Variants in MAP2K5 observed in about 807,000 individuals in gnomAD.
MAP2K5 encodes dual specificity mitogen-activated protein kinase kinase 5.
In MAP2K5, 49 loss-of-function variants were observed where a neutral mutation model predicts 83.1. The ratio of observed to expected loss-of-function variants is 0.59; its 90% CI spans 0.47 to 0.75. MAP2K5 has a LOEUF of 0.75. MAP2K5 is among the 30% of genes least tolerant of loss of function. MAP2K5 has a pLI of 0.00. For missense variants in MAP2K5, 457 were observed against 557.5 expected, an observed-to-expected ratio of 0.82 and a Z score of 1.82; for synonymous variants, 202 against 191.8, an observed-to-expected ratio of 1.05 and a Z score of -0.44.
chr15:67,773,705 C>G (rs943429540), intron 21 of MAP2K5, among the ~76,000 whole-genome samples: 2 of 152,168 alleles, frequency 1.3e-5, no homozygotes, highest in African/African-American at 2.4e-5. Flanking sequence ...TTCCCTGGAG[C>G]AAAATCTCAG....
intron 8 of MAP2K5, among the ~76,000 whole-genome samples, chr15:67,616,634 G>A (rs1661734063): frequency 6.6e-6 from 1 of 152,134 alleles, no homozygotes; most frequent in South Asian, 2.1e-4. Flanking sequence ...AAATACATTT[G>A]TAACTTTTAT....
intron 11 of MAP2K5, among the ~76,000 whole-genome samples, chr15:67,649,888 G>C (rs1003358473): frequency 6.6e-6 from 1 of 152,132 alleles, no homozygotes; most frequent in African/African-American, 2.4e-5. Flanking sequence ...AAAAAATCCA[G>C]CTGGGATTTT....
At chr15:67,713,474 A>T (rs776972758) in intron 16 of MAP2K5, among the ~76,000 whole-genome samples, 2 of 152,226 alleles carry the variant, frequency 1.3e-5, no homozygotes, top group Non-Finnish European at 2.9e-5. Context: ...GGTAGCTCAC[A>T]CCTGTAATCC....
intron 21 of MAP2K5, among the ~76,000 whole-genome samples, chr15:67,787,843 A>G (rs561307824): frequency 6.6e-6 from 1 of 152,382 alleles, no homozygotes; most frequent in East Asian, 1.9e-4. Flanking sequence ...TGTCTGTCAT[A>G]TATTTAAACT....
At position 67,764,821 on chromosome 15, in the gene MAP2K5, G is replaced by A. The variant is rs988862044; in HGVS notation, c.1135-4781G>A. On this transcript the variant is annotated intron_variant, in intron 19 of 21. Coordinates refer to ENST00000178640, the MANE Select transcript of MAP2K5 (RefSeq NM_145160.3). The surrounding 1 kb of genome is among the most constrained non-coding windows in gnomAD (Gnocchi z 4.9). ...GTAGTCCTAAGGAATATTTTTTTAAGCAAAAGGCCCTTAACTTTTTTCCAG... is the reference window on the plus strand; with the variant it reads ...GTAGTCCTAAGGAATATTTTTTTAAACAAAAGGCCCTTAACTTTTTTCCAG... Among the ~76,000 whole-genome samples, 2 of 152,132 alleles carry A rather than the reference G, an allele frequency of 1.3e-5. No individual in the cohort carries two copies. Among genetic ancestry groups the A allele is most frequent in the Non-Finnish European group, 2.9e-5 (2 of 68,008 alleles).
In MAP2K5 at chr15:67,703,359, A is replaced by C; in HGVS notation, c.995A>C (p.Gln332Pro). The change falls in exon 16 of 22, where the codon CAG becomes CCG. Residue 332 changes from glutamine (Q) to proline (P), a missense_variant. Physicochemically the swap from Gln to Pro is moderately conservative, Grantham distance 76. Coordinates refer to ENST00000178640, the MANE Select transcript of MAP2K5 (RefSeq NM_145160.3). ...CAGCCTGAAAGGATTTCAGGGGAGC[A>C]GTATGGAATTCATTCTGATGTCTGG... is the stretch of plus-strand genomic sequence containing the variant. ...YMAPERISGE[Q>P]YGIHSDVWSL... is the part of the protein sequence containing the mutation. 4 of 1,613,706 alleles carry C rather than the reference A, an allele frequency of 2.5e-6. No individual in the cohort carries two copies. The highest frequency in any genetic ancestry group is 3.4e-6 in the Non-Finnish European group (4 of 1,179,656).
chr15:67,559,395 G>T lies in MAP2K5; in HGVS notation c.185-3888G>T, dbSNP rs748238643. Among the ~76,000 whole-genome samples the T allele has an allele frequency of 1.3e-5, 2 of 152,100 alleles. No individual in the cohort carries two copies. The highest frequency in any genetic ancestry group is 2.9e-5 in the Non-Finnish European group (2 of 68,018). ...GTTTACTCAGTAGGCCATTGTGACC[G>T]CCCCTTACCTGAGGCTGCTTCTCCT... On this transcript the variant is annotated intron_variant, in intron 2 of 21. Coordinates refer to ENST00000178640, the MANE Select transcript of MAP2K5 (RefSeq NM_145160.3). The surrounding 1 kb of genome is among the most constrained non-coding windows in gnomAD (Gnocchi z 4.7).
chr15:67,735,195 C>T (rs2089311693), intron 17 of MAP2K5, among the ~76,000 whole-genome samples: 1 of 152,134 alleles, frequency 6.6e-6, no homozygotes, highest in Non-Finnish European at 1.5e-5. Context: ...TTTGCTTAGC[C>T]TATGCCAGAA....
At chr15:67,593,910 C>A (rs1049936452) in intron 7 of MAP2K5, among the ~76,000 whole-genome samples, 2 of 152,218 alleles carry the variant, frequency 1.3e-5, no homozygotes, top group African/African-American at 4.8e-5. Flanking sequence ...TGTAGTGGAG[C>A]ATGTCAAGAA....
At chr15:67,611,625 G>A (rs1394633132) in intron 8 of MAP2K5, among the ~76,000 whole-genome samples, 2 of 152,120 alleles carry the variant, frequency 1.3e-5, no homozygotes, top group Admixed American at 1.3e-4. Context: ...ACTAGGTATC[G>A]TCATCCTCAT....
rs959875171 is a variant in MAP2K5 at position 67,575,584 on chromosome 15, G to A, written c.253-5170G>A. 5.9e-5 allele frequency among the ~76,000 whole-genome samples: 9 copies of A among 152,116 alleles called. No homozygotes were observed. In the South Asian group the frequency reaches 6.2e-4, roughly 11 times the overall value. On this transcript the variant is annotated intron_variant, in intron 3 of 21. Transcript: ENST00000178640. ...CTACCTATTTAGGTAAATGTTTTGA[G>A]GTATGAGAAATATGAGATAACCTAC...
chr15:67,780,807 G>A lies in MAP2K5; in HGVS notation c.1242+8055G>A, dbSNP rs1449701525. On this transcript the variant is annotated intron_variant, in intron 21 of 21. Transcript: ENST00000178640. This position sits in a 1 kb window ranked among gnomAD's most constrained non-coding sequence, Gnocchi z 5.0. ...AGTATAGCATGAGGATTACCGTTCA[G>A]AACCAACACCAGGGTTTAGCCATCC... Among the ~76,000 whole-genome samples, 1 of 152,196 alleles carries A rather than the reference G, an allele frequency of 6.6e-6. No individual in the cohort carries two copies. The highest frequency in any genetic ancestry group is 2.4e-5 in the African/African-American group (1 of 41,452).
intron 15 of MAP2K5, among the ~76,000 whole-genome samples, chr15:67,696,675 A>G (rs2088270258): frequency 6.6e-6 from 1 of 152,048 alleles, no homozygotes; most frequent in South Asian, 2.1e-4. Context: ...TGTACCAAAC[A>G]TACATTTAGA....
intron 15 of MAP2K5, among the ~76,000 whole-genome samples, chr15:67,695,544 G>A (rs1346888870): frequency 6.6e-6 from 1 of 152,160 alleles, no homozygotes; most frequent in Non-Finnish European, 1.5e-5. Flanking sequence ...CACCTTTATA[G>A]CCTTGCTGAA....
intron 9 of MAP2K5, among the ~76,000 whole-genome samples, chr15:67,635,302 G>A (rs1294261880): frequency 6.6e-6 from 1 of 151,228 alleles, no homozygotes; most frequent in Non-Finnish European, 1.5e-5. Flanking sequence ...AGCCTCCCGA[G>A]TAGCTGGGAC....
chr15:67,799,940 G>C lies in MAP2K5; in HGVS notation c.1243-6706G>C, dbSNP rs536009416. 9.5e-4 allele frequency among the ~76,000 whole-genome samples: 145 copies of C among 152,306 alleles called. 1 individual carries two copies. In the South Asian group the frequency reaches 0.017, roughly 18 times the overall value. ...CCCTTGCTGTCACTCCACGCAGAGT[G>C]GGGGGCGGTGGGGGGGATTGTTATT... On this transcript the variant is annotated intron_variant, in intron 21 of 21. Transcript: ENST00000178640.
chr15:67,553,594 G>A (rs937214858), intron 2 of MAP2K5, among the ~76,000 whole-genome samples: 1 of 152,026 alleles, frequency 6.6e-6, no homozygotes, highest in Non-Finnish European at 1.5e-5. Context: ...CCAGAAATCC[G>A]AACCAATAAA....
chr15:67,566,980 A>T lies in MAP2K5; in HGVS notation c.252+3630A>T, dbSNP rs112236774. Among the ~76,000 whole-genome samples, 1,482 of 152,346 alleles carry T rather than the reference A, an allele frequency of 9.7e-3. 29 individuals carry two copies. Among genetic ancestry groups the T allele is most frequent in the African/African-American group, 0.034 (1,419 of 41,572 alleles). On this transcript the variant is annotated intron_variant, in intron 3 of 21. Transcript: ENST00000178640. ...GTTGTGTGCTGTTAAATAATAACCA[A>T]CATATTAAACCAAAGTCTGTTGTCA...
rs528957629 is a variant in MAP2K5 at position 67,665,224 on chromosome 15, T to C, written c.847+579T>C. 1.3e-5 allele frequency among the ~76,000 whole-genome samples: 2 copies of C among 152,258 alleles called. No individual in the cohort carries two copies. Among genetic ancestry groups the C allele is most frequent in the East Asian group, 3.9e-4 (2 of 5,180 alleles). The stretch of plus-strand genomic sequence containing the variant: ...AAGTTATTGGTGAAAGCATCAGGAA[T>C]AGTCCCCTTGTCTAGTAACAGAACA... On this transcript the variant is annotated intron_variant, in intron 13 of 21. Transcript: ENST00000178640. The surrounding 1 kb of genome is among the most constrained non-coding windows in gnomAD (Gnocchi z 4.2).
Sources: allele counts gnomAD v4.1 joint callset (sites outside exome capture counted in the v4.1 genomes callset), GRCh38; gene constraint gnomAD v4.1.1; non-coding constraint Gnocchi (gnomAD v3.1); transcripts MANE v1.5; gene names NCBI Gene and HGNC (gene_info 2026-07-23, HGNC 2026-07-21).